The following ZBTB43 variants were observed in gnomAD, a reference collection of about 807,000 sequenced individuals.
ZBTB43 encodes the protein zinc finger and BTB domain-containing protein 43.
A neutral mutation model predicts 31.1 loss-of-function variants in ZBTB43; 6 were observed. The observed-to-expected ratio is 0.19, with a 90% confidence interval of 0.11 to 0.38. The LOEUF is 0.38. Ranked by LOEUF, ZBTB43 falls within the 10% of genes least tolerant of loss-of-function variation. The pLI, the probability that ZBTB43 is intolerant of heterozygous loss-of-function variation, is 1.00. For synonymous variants in ZBTB43, 212 were observed against 221.7 expected, an observed-to-expected ratio of 0.96 and a Z score of 0.39; for missense variants, 379 against 602.1, an observed-to-expected ratio of 0.63 and a Z score of 3.88.
chr9:126,804,944 T>G (rs1236122761), upstream of ZBTB43: 1 of 152,530 alleles, frequency 6.6e-6, no homozygotes, highest in Non-Finnish European at 1.5e-5. Flanking sequence ...AAGTCCCGCA[T>G]GCGCACTCCG....
chr9:126,822,464 C>T (rs2032534452), intron 2 of ZBTB43, among the ~76,000 whole-genome samples: 1 of 152,106 alleles, frequency 6.6e-6, no homozygotes, highest in Non-Finnish European at 1.5e-5. Context: ...ATTGGCAGGC[C>T]AGGCACGGTG....
chr9:126,809,135 T>A (rs190855884), intron 2 of ZBTB43, among the ~76,000 whole-genome samples: 1 of 152,338 alleles, frequency 6.6e-6, no homozygotes, highest in East Asian at 1.9e-4. Flanking sequence ...TTCTGCCAAG[T>A]GAATTTTTTT....
rs1350825405 is a variant in ZBTB43 at position 126,833,958 on chromosome 9, G to T, written c.*45G>T. On this transcript the variant is annotated 3_prime_UTR_variant, in exon 3 of 3. Coordinates refer to ENST00000373464, the MANE Select transcript of ZBTB43 (RefSeq NM_014007.4). The surrounding 1 kb of genome is among the most constrained non-coding windows in gnomAD (Gnocchi z 7.9). Reference sequence around the variant, plus strand: ...AGTGGCATGCACAAAAATAAACTATGGTAATTAATGCAAATCTGGGCACAG... The same window carrying T: ...AGTGGCATGCACAAAAATAAACTATTGTAATTAATGCAAATCTGGGCACAG... 3 of 1,505,934 alleles carry T rather than the reference G, an allele frequency of 2.0e-6. No homozygotes were observed. The African/African-American group carries it at 4.1e-5, about 21-fold the overall frequency. The allele number at this position is 1,505,934 out of a possible 1,614,324, so 93.3% of individuals were successfully genotyped here.
intron 2 of ZBTB43, among the ~76,000 whole-genome samples, chr9:126,820,569 G>A (rs2032487177): frequency 6.6e-6 from 1 of 152,198 alleles, no homozygotes; most frequent in African/African-American, 2.4e-5. Flanking sequence ...CTCTGATGGA[G>A]ATGTACAAGG....
At chr9:126,813,711 G>A (rs889283747) in intron 2 of ZBTB43, among the ~76,000 whole-genome samples, 1 of 152,128 alleles carries the variant, frequency 6.6e-6, no homozygotes, top group Non-Finnish European at 1.5e-5. Flanking sequence ...AATGCCATGT[G>A]ATTTATAATT....
intron 2 of ZBTB43, among the ~76,000 whole-genome samples, chr9:126,825,407 C>G (rs1414208581): frequency 6.6e-6 from 1 of 152,108 alleles, no homozygotes; most frequent in African/African-American, 2.4e-5. Context: ...GCTACCGTAA[C>G]AAAATACTAC....
chr9:126,807,174 T>C (rs1344495574), intron 1 of ZBTB43, among the ~76,000 whole-genome samples: 1 of 152,242 alleles, frequency 6.6e-6, no homozygotes, highest in African/African-American at 2.4e-5. Context: ...TCCTAGATGC[T>C]GTTATTTCAT....
intron 2 of ZBTB43, among the ~76,000 whole-genome samples, chr9:126,827,146 G>A (rs1249208350): frequency 1.3e-5 from 2 of 152,128 alleles, no homozygotes; most frequent in Admixed American, 1.3e-4. Context: ...CCATGTAGTT[G>A]CTTAAGTTTT....
chr9:126,829,041 A>G (rs532681275), intron 2 of ZBTB43, among the ~76,000 whole-genome samples: 1 of 152,240 alleles, frequency 6.6e-6, no homozygotes, highest in Non-Finnish European at 1.5e-5. Context: ...TTTTCTTGTT[A>G]AATGATATCC....
intron 2 of ZBTB43, among the ~76,000 whole-genome samples, chr9:126,826,449 C>T (rs1275611127): frequency 7.2e-6 from 1 of 139,070 alleles, no homozygotes; most frequent in African/African-American, 2.7e-5. Flanking sequence ...TCCTGGCCCC[C>T]CCGCCTTTTT....
chr9:126,816,529 ATATATCCACAGACCTGTG>A (rs2032389737), intron 2 of ZBTB43, among the ~76,000 whole-genome samples: 1 of 152,196 alleles, frequency 6.6e-6, no homozygotes, highest in African/African-American at 2.4e-5. Context: ...ATATTCTGGA[ATATATCCACAGACCTGTG>A]TTGGTTTTAT....
At chr9:126,821,992 G>A (rs1023585052) in intron 2 of ZBTB43, among the ~76,000 whole-genome samples, 7 of 151,842 alleles carry the variant, frequency 4.6e-5, no homozygotes, top group African/African-American at 1.7e-4. Context: ...CCTCCCAAGC[G>A]ATTACAGTCG....
chr9:126,832,586 A>T lies in ZBTB43; in HGVS notation c.77A>T (p.Gln26Leu). The change falls in exon 3 of 3, where the codon CAG (glutamine) becomes CTG (leucine). Residue 26 changes from glutamine (Q) to leucine (L), a missense_variant. Gln to Leu is a moderately radical substitution (Grantham distance 113). Transcript: ENST00000373464. ...ACCATTCTACAGAAACTGAACCAGC[A>T]GCGCCAGCAAGGACAATTATGTGAC... ...SSTILQKLNQ[Q>L]RQQGQLCDVS... 6.2e-7 allele frequency: 1 copy of T among 1,614,180 alleles called. No homozygotes were observed. Among genetic ancestry groups the T allele is most frequent in the Non-Finnish European group, 8.5e-7 (1 of 1,179,996 alleles).
In ZBTB43 at chr9:126,836,588, T is replaced by C. The variant is rs1021921946; in HGVS notation, c.*2675T>C. 44 of 166,982 alleles carry C rather than the reference T, an allele frequency of 2.6e-4. No individual in the cohort carries two copies. Among genetic ancestry groups the C allele is most frequent in the African/African-American group, 9.7e-4 (40 of 41,400 alleles). The allele number at this position is 166,982 out of a possible 1,614,324, so 10.3% of individuals were successfully genotyped here. On this transcript the variant is annotated 3_prime_UTR_variant, in exon 3 of 3. Coordinates refer to ENST00000373464, the MANE Select transcript of ZBTB43 (RefSeq NM_014007.4). ...ACCTTTTTTTCATCCCCACGTTGAGTTGGAGGAATAGTCTCTTCTCTTCAC... is the reference window on the plus strand; with the variant it reads ...ACCTTTTTTTCATCCCCACGTTGAGCTGGAGGAATAGTCTCTTCTCTTCAC...
Position 126,832,477 on chromosome 9 carries a change from T to G in ZBTB43, c.-23-10T>G. 6.4e-7 allele frequency: 1 copy of G among 1,563,902 alleles called. No homozygotes were observed. Among genetic ancestry groups the G allele is most frequent in the Non-Finnish European group, 8.7e-7 (1 of 1,154,850 alleles). ...GCTGGAATTTGTACTAATTTTTCTT[T>G]CTCTTGTAGCACCGAACAAGATTTG... is the stretch of plus-strand genomic sequence containing the variant. On this transcript the variant is annotated splice_polypyrimidine_tract_variant and intron_variant, in intron 2 of 2. Coordinates refer to ENST00000373464, the MANE Select transcript of ZBTB43 (RefSeq NM_014007.4).
chr9:126,837,110 A>G lies in ZBTB43; in HGVS notation c.*3197A>G, dbSNP rs2032896635. The G allele has an allele frequency of 6.0e-6, 1 of 166,936 alleles. No individual in the cohort carries two copies. Among genetic ancestry groups the G allele is most frequent in the African/African-American group, 2.4e-5 (1 of 41,396 alleles). 10.3% of individuals were successfully genotyped at this position (166,936 alleles called of 1,614,324 possible). A position where few individuals can be genotyped will look rare whatever the true frequency, so the allele number is the denominator to read the frequency against. On this transcript the variant is annotated 3_prime_UTR_variant, in exon 3 of 3. Coordinates refer to ENST00000373464, the MANE Select transcript of ZBTB43 (RefSeq NM_014007.4). ...CAGATCGAGACTCTGTCTCAAAAAA[A>G]AAAAAAAAATTCATACTTATGCCAT... is the stretch of plus-strand genomic sequence containing the variant.
intron 2 of ZBTB43, among the ~76,000 whole-genome samples, chr9:126,819,701 T>G (rs1588359058): frequency 6.6e-6 from 1 of 152,296 alleles, no homozygotes; most frequent in East Asian, 1.9e-4. Flanking sequence ...ATATGCTTCT[T>G]ACTTGAAATC....
At chr9:126,818,192 A>G (rs1429770365) in intron 2 of ZBTB43, among the ~76,000 whole-genome samples, 2 of 148,734 alleles carry the variant, frequency 1.3e-5, no homozygotes, top group African/African-American at 4.9e-5. Context: ...GTGGGATCAC[A>G]GCTCACTTTA....
chr9:126,813,073 C>A (rs770977016), intron 2 of ZBTB43, among the ~76,000 whole-genome samples: 1 of 151,642 alleles, frequency 6.6e-6, no homozygotes, highest in Non-Finnish European at 1.5e-5. Flanking sequence ...CTCCGCCTCC[C>A]AGGTTCAAGC....
Sources: gnomAD v4.1 joint callset for allele counts (sites outside exome capture counted in the v4.1 genomes callset) on GRCh38, gnomAD v4.1.1 for gene constraint, Gnocchi (gnomAD v3.1) non-coding constraint, MANE v1.5 for transcripts, NCBI Gene and HGNC (gene_info 2026-07-23, HGNC 2026-07-21) for gene names.